Variants in RAB38 observed in about 807,000 individuals in gnomAD.
RAB38 encodes the protein RAB38, member RAS oncogene family.
RAB38 carries 15 observed loss-of-function variants against 18.4 expected under a neutral mutation model. The observed-to-expected ratio is 0.82, with a 90% CI of 0.55 to 1.26. RAB38 has a LOEUF of 1.26. Ranked by LOEUF, RAB38 falls within the 50% of genes most tolerant of loss-of-function variation. The pLI, the probability that RAB38 is intolerant of heterozygous loss-of-function variation, is 0.00. For missense variants in RAB38, 294 were observed against 267.4 expected, an observed-to-expected ratio of 1.10 and a Z score of -0.69; for synonymous variants, 101 against 104.4, an observed-to-expected ratio of 0.97 and a Z score of 0.20.
the RAB38 span, among the ~76,000 whole-genome samples, chr11:87,953,493 A>G: frequency 6.6e-6 from 1 of 152,224 alleles, no homozygotes; most frequent in South Asian, 2.1e-4. Flanking sequence ...TGAGTACACC[A>G]CAAAAATATA....
At chr11:87,865,642 G>T in the RAB38 span, among the ~76,000 whole-genome samples, 1 of 151,560 alleles carries the variant, frequency 6.6e-6, no homozygotes, top group Non-Finnish European at 1.5e-5. Flanking sequence ...GATCAGCAAT[G>T]GGAAGCTAAT....
At chr11:88,173,839 T>C (rs1943342737) in intron 1 of RAB38, 8 of 985,402 alleles carry the variant, frequency 8.1e-6, no homozygotes, top group Non-Finnish European at 9.6e-6. Flanking sequence ...TCTGTTCACA[T>C]GCTAAAAGAA....
chr11:87,831,555 C>G, the RAB38 span, among the ~76,000 whole-genome samples: 1 of 151,984 alleles, frequency 6.6e-6, no homozygotes, highest in African/African-American at 2.4e-5. Context: ...TGAGCAAAGC[C>G]CAAAGGTAAC....
At chr11:88,012,571 T>G in the RAB38 span, among the ~76,000 whole-genome samples, 2 of 152,010 alleles carry the variant, frequency 1.3e-5, no homozygotes, top group South Asian at 4.2e-4. Flanking sequence ...GAAGAAGAAT[T>G]ATCAACAATT....
chr11:87,881,559 T>C, the RAB38 span, among the ~76,000 whole-genome samples: 1 of 151,928 alleles, frequency 6.6e-6, no homozygotes, highest in South Asian at 2.1e-4. Flanking sequence ...GTTTCATTAT[T>C]ATAAAACTAA....
chr11:87,890,292 G>A, the RAB38 span, among the ~76,000 whole-genome samples: 1 of 151,946 alleles, frequency 6.6e-6, no homozygotes, highest in Admixed American at 6.6e-5. Context: ...AAGATTAAAA[G>A]TATTTTAAAG....
At chr11:88,155,066 C>T (rs302659) in intron 1 of RAB38, among the ~76,000 whole-genome samples, 2 of 152,086 alleles carry the variant, frequency 1.3e-5, no homozygotes, top group African/African-American at 4.8e-5. Context: ...CATGCAGTTG[C>T]GGCTGAAGAG....
the RAB38 span, among the ~76,000 whole-genome samples, chr11:88,057,992 G>C: frequency 6.6e-6 from 1 of 152,144 alleles, no homozygotes; most frequent in Admixed American, 6.5e-5. Flanking sequence ...CGCAGCGCAA[G>C]TTCCTATAAA....
rs781545731 is a variant in RAB38, at chr11:88,169,777, G to A, written c.202+5406C>T. 2.0e-5 allele frequency among the ~76,000 whole-genome samples: 3 copies of A among 152,160 alleles called. No individual in the cohort carries two copies. The South Asian group carries it at 6.2e-4, about 31-fold the overall frequency. On this transcript the variant is annotated intron_variant, in intron 1 of 2. Transcript: ENST00000243662. ...TCAGAGAGTAGGAGAACGAGGTGTG[G>A]ACAACATCTCTGCACCATGAGAGTG... is the stretch of plus-strand genomic sequence containing the variant.
the RAB38 span, among the ~76,000 whole-genome samples, chr11:88,088,251 C>G: frequency 2.0e-5 from 3 of 151,936 alleles, no homozygotes; most frequent in Non-Finnish European, 4.4e-5. Context: ...CCACCCACAG[C>G]ATCAATTATT....
chr11:88,018,051 C>A, the RAB38 span, among the ~76,000 whole-genome samples: 1 of 152,102 alleles, frequency 6.6e-6, no homozygotes, highest in African/African-American at 2.4e-5. Flanking sequence ...GATTGTGTGG[C>A]CTCCCCAGCC....
At chr11:87,919,393 A>C in the RAB38 span, among the ~76,000 whole-genome samples, 1 of 151,882 alleles carries the variant, frequency 6.6e-6, no homozygotes, top group Non-Finnish European at 1.5e-5. Flanking sequence ...TTAATGTGAT[A>C]TATGGAATTT....
the RAB38 span, among the ~76,000 whole-genome samples, chr11:88,004,063 C>T: frequency 1.4e-5 from 2 of 137,948 alleles, no homozygotes; most frequent in Admixed American, 7.8e-5. Context: ...ATATATATAC[C>T]TTCTCAGAAA....
the RAB38 span, among the ~76,000 whole-genome samples, chr11:87,893,827 G>A: frequency 3.3e-5 from 5 of 151,728 alleles, no homozygotes; most frequent in East Asian, 9.8e-4. Flanking sequence ...CTTTGGGGTA[G>A]TATATGAAAT....
intron 1 of RAB38, chr11:88,167,607 A>C (rs1256157581): frequency 6.6e-6 from 1 of 152,200 alleles, no homozygotes; most frequent in African/African-American, 2.4e-5. Flanking sequence ...TAAGGTAGAA[A>C]AGACAAAATT....
At chr11:87,859,848 T>C in the RAB38 span, among the ~76,000 whole-genome samples, 1 of 152,084 alleles carries the variant, frequency 6.6e-6, no homozygotes, top group Non-Finnish European at 1.5e-5. Flanking sequence ...AGAAAGATTT[T>C]AGTGCTTTCA....
chr11:87,816,707 G>A, the RAB38 span, among the ~76,000 whole-genome samples: 1 of 152,056 alleles, frequency 6.6e-6, no homozygotes, highest in Non-Finnish European at 1.5e-5. Flanking sequence ...TATAGAGAGA[G>A]AAAGAGAGAG....
chr11:88,029,722 T>G, the RAB38 span, among the ~76,000 whole-genome samples: 2 of 151,952 alleles, frequency 1.3e-5, no homozygotes, highest in Non-Finnish European at 2.9e-5. Context: ...GCACCCAGAT[T>G]CATAAAGCAA....
the RAB38 span, among the ~76,000 whole-genome samples, chr11:87,949,084 T>A: frequency 6.6e-6 from 1 of 152,230 alleles, no homozygotes; most frequent in African/African-American, 2.4e-5. Flanking sequence ...ATTGGTCTAT[T>A]AAGAGATTCA....
Sources: gnomAD v4.1 joint callset for allele counts (sites outside exome capture counted in the v4.1 genomes callset) on GRCh38, gnomAD v4.1.1 for gene constraint, MANE v1.5 for transcripts, NCBI Gene and HGNC (gene_info 2026-07-23, HGNC 2026-07-21) for gene names.